The following PI4KA variants were observed in gnomAD, a reference collection of about 807,000 sequenced individuals.
The protein encoded by PI4KA is phosphatidylinositol 4-kinase alpha.
A neutral mutation model predicts 271.4 loss-of-function variants in PI4KA; 122 were observed. The ratio of observed to expected loss-of-function variants is 0.45; its 90% CI spans 0.39 to 0.52. The LOEUF (loss-of-function observed/expected upper bound fraction) is 0.52, where lower values mean the gene tolerates loss of function less well. Among genes scored for constraint, PI4KA ranks in the 20% least tolerant of loss-of-function variants. The pLI is 0.00. For synonymous variants in PI4KA, 1,041 were observed against 1,078.8 expected, an observed-to-expected ratio of 0.96 and a Z score of 0.69; for missense variants, 1,969 against 2,769.1, an observed-to-expected ratio of 0.71 and a Z score of 6.48.
chr22:20,802,756 G>A lies in PI4KA; in HGVS notation c.1591+435C>T, dbSNP rs762829021. Among the ~76,000 whole-genome samples the A allele has an allele frequency of 7.2e-4, 109 of 152,196 alleles. 1 individual carries two copies. Among genetic ancestry groups the A allele is most frequent in the Non-Finnish European group, 2.4e-4 (16 of 68,030 alleles). On this transcript the variant is annotated intron_variant, in intron 13 of 54. Coordinates refer to ENST00000255882, the MANE Select transcript of PI4KA (RefSeq NM_058004.4). ...TCATCTGAAGGGGAAGATAAAAACAGCCACCTTCATGAGACTGTGGGTAAG... is the reference window on the plus strand; with the variant it reads ...TCATCTGAAGGGGAAGATAAAAACAACCACCTTCATGAGACTGTGGGTAAG...
intron 50 of PI4KA, 76 bp downstream of exon 50, chr22:20,712,410 G>A: frequency 6.3e-7 from 1 of 1,578,938 alleles, no homozygotes; most frequent in Non-Finnish European, 8.6e-7. Flanking sequence ...CAGGGTGTGG[G>A]TGGAGGCTGG....
Position 20,786,834 on chromosome 22 carries a change from G to T in PI4KA, c.2328+6359C>A, listed in dbSNP as rs544448025. ...TGTGCTGGGAACTCTAGCCCTCTGT[G>T]TGCTGACCTCCAGAATCTGACAACT... On this transcript the variant is annotated intron_variant, in intron 19 of 54. Transcript: ENST00000255882. The T allele has an allele frequency of 1.1e-5, 18 of 1,596,444 alleles. No individual in the cohort carries two copies. The Admixed American group carries it at 2.0e-4, about 18-fold the overall frequency.
At position 20,750,010 on chromosome 22, in the gene PI4KA, G is replaced by T. The variant is rs779974938; in HGVS notation, c.3154-16C>A. 176 of 1,580,480 alleles carry T rather than the reference G, an allele frequency of 1.1e-4. No homozygotes were observed. Among genetic ancestry groups the T allele is most frequent in the Non-Finnish European group, 1.4e-4 (162 of 1,149,550 alleles). ...TCACAATGCTCTGGAAGAGGGTGAA[G>T]CTGCTTCTCAACAACCCGAGGTCAG... On this transcript the variant is annotated splice_polypyrimidine_tract_variant and intron_variant, in intron 27 of 54. Coordinates refer to ENST00000255882, the MANE Select transcript of PI4KA (RefSeq NM_058004.4).
At chr22:20,786,417 G>T (rs1345699878) in intron 19 of PI4KA, among the ~76,000 whole-genome samples, 1 of 152,234 alleles carries the variant, frequency 6.6e-6, no homozygotes, top group East Asian at 1.9e-4. Context: ...AGAGACAGGG[G>T]AGACATGTGC....
At chr22:20,746,600 A>C (rs1219732501) in intron 29 of PI4KA, among the ~76,000 whole-genome samples, 1 of 152,208 alleles carries the variant, frequency 6.6e-6, no homozygotes, top group African/African-American at 2.4e-5. Flanking sequence ...CTTACAGTCT[A>C]TGAGTTCCGC....
chr22:20,743,211 T>C (rs868659574), intron 30 of PI4KA, among the ~76,000 whole-genome samples: 1 of 152,148 alleles, frequency 6.6e-6, no homozygotes, highest in South Asian at 2.1e-4. Flanking sequence ...AGTGGCGTGA[T>C]CTCGACTCAG....
chr22:20,779,340 A>G (rs763861315), intron 19 of PI4KA: 13 of 1,614,064 alleles, frequency 8.1e-6, no homozygotes, highest in Non-Finnish European at 1.1e-5. Context: ...CGCACTTCTC[A>G]TTTTCCTCAT....
At chr22:20,725,496 G>C (rs1384011879) in intron 42 of PI4KA, 2 of 445,698 alleles carry the variant, frequency 4.5e-6, no homozygotes, top group Non-Finnish European at 9.0e-6. Context: ...AGGTCAATAG[G>C]GTGGGTCCTA....
At chr22:20,708,361 TTGGCTCGTCC>T (rs1247917528) in intron 54 of PI4KA, among the ~76,000 whole-genome samples, 3 of 152,024 alleles carry the variant, frequency 2.0e-5, no homozygotes, top group African/African-American at 7.3e-5. Flanking sequence ...CTCGGGCCCC[TTGGCTCGTCC>T]TGGCCAGATG....
chr22:20,769,931 T>A (rs1475643305), intron 19 of PI4KA, among the ~76,000 whole-genome samples: 2 of 152,190 alleles, frequency 1.3e-5, no homozygotes, highest in Non-Finnish European at 2.9e-5. Context: ...CTGGTGCTAG[T>A]GCCCAGGGCA....
At chr22:20,712,969 A>G in intron 48 of PI4KA, 172 bp from the exon 49 acceptor site, 1 of 660,250 alleles carries the variant, frequency 1.5e-6, no homozygotes, top group Non-Finnish European at 2.6e-6. Context: ...GGCTGGACTC[A>G]GGCTGCTGGG....
chr22:20,812,598 AG>A (rs1921206745), intron 8 of PI4KA, among the ~76,000 whole-genome samples: 1 of 152,196 alleles, frequency 6.6e-6, no homozygotes, highest in Admixed American at 6.5e-5. Flanking sequence ...TCTGTTGCCC[AG>A]GCTGGAGTGC....
intron 28 of PI4KA, 120 bp from the exon 29 acceptor site, chr22:20,747,822 C>T (rs1601398287): frequency 1.1e-6 from 1 of 893,232 alleles, no homozygotes; most frequent in East Asian, 2.6e-5. Flanking sequence ...GCAGCCTCGA[C>T]CTCTTAGACT....
At chr22:20,733,517 A>C (rs930536957) in intron 35 of PI4KA, among the ~76,000 whole-genome samples, 2 of 149,834 alleles carry the variant, frequency 1.3e-5, no homozygotes, top group African/African-American at 4.9e-5. Flanking sequence ...AAATTTGCCT[A>C]CATCTCGCTG....
intron 32 of PI4KA, among the ~76,000 whole-genome samples, chr22:20,739,654 A>G (rs1022378407): frequency 6.6e-6 from 1 of 152,202 alleles, no homozygotes; most frequent in South Asian, 2.1e-4. Flanking sequence ...ACAAGAACAG[A>G]CCAGATAACG....
intron 3 of PI4KA, among the ~76,000 whole-genome samples, chr22:20,827,312 C>T (rs1440210311): frequency 1.3e-5 from 2 of 152,172 alleles, no homozygotes; most frequent in Admixed American, 6.5e-5. Context: ...AGCAGGGAGT[C>T]CTTTCCCCAT....
intron 32 of PI4KA, among the ~76,000 whole-genome samples, chr22:20,735,428 C>T (rs965613109): frequency 6.8e-6 from 1 of 147,888 alleles, no homozygotes; most frequent in African/African-American, 2.5e-5. Flanking sequence ...CATCCCCTCC[C>T]TTCTTCCTCA....
rs373866222 is a variant in PI4KA at position 20,712,062 on chromosome 22, G to A, written c.5802+424C>T. Among the ~76,000 whole-genome samples the A allele has an allele frequency of 4.6e-4, 57 of 125,148 alleles. 2 individuals carry two copies. In the East Asian group the frequency reaches 8.5e-3, roughly 19 times the overall value. 82.1% of individuals were successfully genotyped at this position (125,148 alleles called of 152,430 possible). A position where few individuals can be genotyped will look rare whatever the true frequency, so the allele number is the denominator to read the frequency against. On this transcript the variant is annotated intron_variant, in intron 50 of 54. Coordinates refer to ENST00000255882, the MANE Select transcript of PI4KA (RefSeq NM_058004.4). The stretch of plus-strand genomic sequence containing the variant: ...CGGCCAGGTGCCCTGGTTTTTTTGT[G>A]TTTTTTTTTTTTTGAGATGGAGTCT...
intron 19 of PI4KA, among the ~76,000 whole-genome samples, chr22:20,781,217 A>G (rs997002385): frequency 6.6e-6 from 1 of 152,218 alleles, no homozygotes; most frequent in South Asian, 2.1e-4. Flanking sequence ...ATGGATTTGT[A>G]AAATCCAAAC....
Sources: gnomAD v4.1 joint callset for allele counts (sites outside exome capture counted in the v4.1 genomes callset) on GRCh38, gnomAD v4.1.1 for gene constraint, MANE v1.5 for transcripts, NCBI Gene and HGNC (gene_info 2026-07-23, HGNC 2026-07-21) for gene names.